Variants in AKAP13 observed in about 807,000 individuals in gnomAD.
The protein encoded by AKAP13 is A-kinase anchor protein 13.
Under a neutral mutation model 264.5 loss-of-function variants are expected in AKAP13, and 80 were observed. The ratio of observed to expected loss-of-function variants is 0.30; its 90% CI spans 0.25 to 0.36. AKAP13 has a LOEUF of 0.36. AKAP13 is among the 10% of genes least tolerant of loss of function. The probability of loss-of-function intolerance (pLI) is 1.00; values close to 1 mark genes in which losing one functional copy is unlikely to be tolerated. For missense variants in AKAP13, 3,712 were observed against 3,435.2 expected, an observed-to-expected ratio of 1.08 and a Z score of -2.01; for synonymous variants, 1,380 against 1,250.2, an observed-to-expected ratio of 1.10 and a Z score of -2.19.
Position 85,514,793 on chromosome 15 carries a change from G to A in AKAP13, c.34-6635G>A, listed in dbSNP as rs148150985. ...CAATTGTATGTTTAAAGGAGAGAAC[G>A]AAGATAGTTATGTGAATACAAGCAG... On this transcript the variant is annotated intron_variant, in intron 2 of 36. Transcript: ENST00000394518. Among the ~76,000 whole-genome samples, 3 of 136,316 alleles carry A rather than the reference G, an allele frequency of 2.2e-5. 1 individual carries two copies. Among genetic ancestry groups the A allele is most frequent in the South Asian group, 2.2e-4 (1 of 4,520 alleles). 89.4% of individuals were successfully genotyped at this position (136,316 alleles called of 152,430 possible).
rs1366873236 is a variant in AKAP13, at chr15:85,601,646, G to GTGTGTGTGTGTT, written c.4161+15826_4161+15827insGTGTGTGTTTGT. 3.3e-5 allele frequency among the ~76,000 whole-genome samples: 5 copies of GTGTGTGTGTGTT among 150,710 alleles called. No individual in the cohort carries two copies. The East Asian group carries it at 9.7e-4, about 29-fold the overall frequency. ...TGTGTGTGTGTGTGTGTGTGTGTGT[G>GTGTGTGTGTGTT]TGTTTTTCTTCCAGCTATTCTTGTA... is the stretch of plus-strand genomic sequence containing the variant. On this transcript the variant is annotated intron_variant, in intron 8 of 36. Coordinates refer to ENST00000394518, the MANE Select transcript of AKAP13 (RefSeq NM_007200.5).
intron 8 of AKAP13, among the ~76,000 whole-genome samples, chr15:85,588,163 G>A (rs916915430): frequency 1.3e-5 from 2 of 152,072 alleles, no homozygotes; most frequent in African/African-American, 4.8e-5. Context: ...GAAATTTCAC[G>A]GTAGGTAAAT....
At chr15:85,479,486 C>A (rs1311775435) in intron 1 of AKAP13, among the ~76,000 whole-genome samples, 1 of 152,184 alleles carries the variant, frequency 6.6e-6, no homozygotes, top group Non-Finnish European at 1.5e-5. Context: ...AAGTACCCTG[C>A]AGGTAAAAAT....
Position 85,726,474 on chromosome 15 carries a change from C to G in AKAP13, c.6810C>G (p.Ile2270Met). The change falls in exon 27 of 37, where the codon ATC (isoleucine) becomes ATG (methionine). Residue 2270 changes from isoleucine (I) to methionine (M), a missense_variant. Around this residue, in one of 3 missense-constraint regions of AKAP13, gnomAD observed 342 missense variants for 484.3 expected, o/e 0.71. Transcript: ENST00000394518. ...VFLQEKDQKYIFASLDQKSTV... is the reference protein window; with the variant it reads ...VFLQEKDQKYMFASLDQKSTV... ...TTCAAGAAAAAGACCAGAAGTACATCTTTGCATCATTGGTAAGCTGAATTG... is the reference window on the plus strand; with the variant it reads ...TTCAAGAAAAAGACCAGAAGTACATGTTTGCATCATTGGTAAGCTGAATTG... 6.2e-7 allele frequency: 1 copy of G among 1,612,398 alleles called. No homozygotes were observed. Among genetic ancestry groups the G allele is most frequent in the East Asian group, 2.2e-5 (1 of 44,850 alleles).
At chr15:85,733,059 A>G (rs1188202790) in intron 30 of AKAP13, among the ~76,000 whole-genome samples, 2 of 152,188 alleles carry the variant, frequency 1.3e-5, no homozygotes, top group East Asian at 3.9e-4. Flanking sequence ...AAGTGAACAT[A>G]CTTCATGCTT....
At chr15:85,589,621 A>G (rs1450026260) in intron 8 of AKAP13, among the ~76,000 whole-genome samples, 1 of 149,012 alleles carries the variant, frequency 6.7e-6, no homozygotes, top group Admixed American at 6.7e-5. Flanking sequence ...TACAAGAGTT[A>G]GCCAGAAATT....
In AKAP13 at chr15:85,671,541, G is replaced by A. The variant is rs145253518; in HGVS notation, c.5101+1711G>A. ...GATTAATATTTCAAATACAAATCTA[G>A]CGTATTTGACAAAAGGTGTCTAACG... On this transcript the variant is annotated intron_variant, in intron 14 of 36. Coordinates refer to ENST00000394518, the MANE Select transcript of AKAP13 (RefSeq NM_007200.5). 6.2e-3 allele frequency among the ~76,000 whole-genome samples: 940 copies of A among 151,428 alleles called. 9 individuals are homozygous for A. Among genetic ancestry groups the A allele is most frequent in the African/African-American group, 0.021 (882 of 41,308 alleles).
Position 85,488,439 on chromosome 15 carries a change from G to A in AKAP13, c.33+2686G>A, listed in dbSNP as rs190119902. ...AAAGGTTTTTGGTTAGGGAACAGTTGTAAATAAGTAGTTGTGTTATACAGA... is the reference window on the plus strand; with the variant it reads ...AAAGGTTTTTGGTTAGGGAACAGTTATAAATAAGTAGTTGTGTTATACAGA... On this transcript the variant is annotated intron_variant, in intron 2 of 36. Transcript: ENST00000394518. 6.1e-4 allele frequency among the ~76,000 whole-genome samples: 93 copies of A among 152,326 alleles called. 2 individuals carry two copies. In the East Asian group the frequency reaches 0.014, roughly 23 times the overall value.
chr15:85,561,611 A>G (rs771877051), intron 5 of AKAP13, among the ~76,000 whole-genome samples: 11 of 152,250 alleles, frequency 7.2e-5, no homozygotes, highest in Admixed American at 1.3e-4. Flanking sequence ...ATGTTGGTAT[A>G]TTAGATATCG....
intron 14 of AKAP13, among the ~76,000 whole-genome samples, chr15:85,680,633 G>A (rs2084538691): frequency 6.6e-6 from 1 of 152,178 alleles, no homozygotes; most frequent in South Asian, 2.1e-4. Context: ...GGGAAGCGGA[G>A]ACAGGAGGAT....
intron 30 of AKAP13, among the ~76,000 whole-genome samples, chr15:85,731,995 A>C (rs577245180): frequency 1.3e-5 from 2 of 151,412 alleles, no homozygotes; most frequent in African/African-American, 4.9e-5. Context: ...AGGCAGGAGA[A>C]TCGCTTGAAC....
At chr15:85,488,968 A>G (rs2075650887) in intron 2 of AKAP13, among the ~76,000 whole-genome samples, 1 of 152,234 alleles carries the variant, frequency 6.6e-6, no homozygotes, top group Non-Finnish European at 1.5e-5. Context: ...GTGATAAAGG[A>G]TACTTGGGAA....
At chr15:85,562,281 T>C (rs1470312198) in intron 5 of AKAP13, among the ~76,000 whole-genome samples, 2 of 151,930 alleles carry the variant, frequency 1.3e-5, no homozygotes, top group Non-Finnish European at 2.9e-5. Flanking sequence ...AATATATATC[T>C]CGGCCGGGCG....
intron 1 of AKAP13, among the ~76,000 whole-genome samples, chr15:85,483,348 T>C (rs1300290779): frequency 2.0e-5 from 3 of 152,180 alleles, no homozygotes; most frequent in Non-Finnish European, 2.9e-5. Flanking sequence ...AAACATTGGC[T>C]GGGCATGGTG....
intron 10 of AKAP13, among the ~76,000 whole-genome samples, chr15:85,646,343 C>T (rs1297539180): frequency 2.0e-5 from 3 of 152,230 alleles, no homozygotes; most frequent in East Asian, 1.9e-4. Context: ...GACGTGCTCA[C>T]TTGAACCCAG....
chr15:85,472,547 G>C (rs565858508), intron 1 of AKAP13, among the ~76,000 whole-genome samples: 2 of 152,280 alleles, frequency 1.3e-5, no homozygotes, highest in South Asian at 2.1e-4. Context: ...ACGTTGCCCA[G>C]GCTGGCCTCA....
chr15:85,619,202 T>A (rs1479805421), intron 8 of AKAP13, among the ~76,000 whole-genome samples: 7 of 151,952 alleles, frequency 4.6e-5, no homozygotes, highest in Non-Finnish European at 1.0e-4. Flanking sequence ...GAAGCCTTGT[T>A]TTTCTCTTCG....
At chr15:85,384,520 C>A (rs1325191783) in intron 1 of AKAP13, among the ~76,000 whole-genome samples, 6 of 152,112 alleles carry the variant, frequency 3.9e-5, no homozygotes, top group Non-Finnish European at 8.8e-5. Flanking sequence ...AGTTCAAGAC[C>A]AGCCTGGCCA....
chr15:85,729,948 A>G (rs2087878935), intron 29 of AKAP13, among the ~76,000 whole-genome samples: 1 of 150,784 alleles, frequency 6.6e-6, no homozygotes, highest in Non-Finnish European at 1.5e-5. Context: ...TTCCGTCTCA[A>G]AAAACAAAAA....
Sources: gnomAD v4.1 joint callset for allele counts (sites outside exome capture counted in the v4.1 genomes callset) on GRCh38, gnomAD v4.1.1 for gene constraint, gnomAD v4.1.1 regional missense constraint, MANE v1.5 for transcripts, NCBI Gene and HGNC (gene_info 2026-07-23, HGNC 2026-07-21) for gene names.